Variants in NUBP1 observed in about 807,000 individuals in gnomAD.
NUBP1 encodes NUBP iron-sulfur cluster assembly factor 1, cytosolic.
Under a neutral mutation model 41.8 loss-of-function variants are expected in NUBP1, and 46 were observed. The ratio of observed to expected loss-of-function variants is 1.10; its 90% CI spans 0.87 to 1.41. NUBP1 has a LOEUF of 1.41. Ranked by LOEUF, NUBP1 falls within the 40% of genes most tolerant of loss-of-function variation. The pLI is 0.00. For missense variants in NUBP1, 494 were observed against 414.0 expected (o/e 1.19, Z -1.68); for synonymous variants, 189 against 154.6 (o/e 1.22, Z -1.65).
Position 10,759,324 on chromosome 16 carries a change from T to C in NUBP1, c.606+1297T>C, listed in dbSNP as rs1404401588. On this transcript the variant is annotated intron_variant, in intron 7 of 10. Transcript: ENST00000283027. This position sits in a 1 kb window ranked among gnomAD's most constrained non-coding sequence, Gnocchi z 4.7. ...GTCAGAAAATGGTGCAAGATTCATG[T>C]CCACCCTGGCATCCTGCAGAGAGGG... Among the ~76,000 whole-genome samples, 1 of 152,158 alleles carries C rather than the reference T, an allele frequency of 6.6e-6. No individual in the cohort carries two copies. The highest frequency in any genetic ancestry group is 6.5e-5 in the Admixed American group (1 of 15,276).
intron 9 of NUBP1, among the ~76,000 whole-genome samples, chr16:10,762,647 G>C (rs910107345): frequency 6.6e-6 from 1 of 152,250 alleles, no homozygotes; most frequent in African/African-American, 2.4e-5. Context: ...GAGAGAGAAG[G>C]CTGGAGGGGA....
At chr16:10,758,812 T>C (rs1183279176) in intron 7 of NUBP1, among the ~76,000 whole-genome samples, 3 of 152,184 alleles carry the variant, frequency 2.0e-5, no homozygotes, top group South Asian at 4.1e-4. Flanking sequence ...GTGCCTTCGC[T>C]TCTTCCGTAG....
At position 10,744,018 on chromosome 16, in the gene NUBP1, C is replaced by G. The variant is rs1159284718; in HGVS notation, c.77C>G (p.Pro26Arg). The G allele has an allele frequency of 6.3e-7, 1 of 1,580,258 alleles. No individual in the cohort carries two copies. The highest frequency in any genetic ancestry group is 1.4e-5 in the African/African-American group (1 of 72,688). ...AGRGASCQGCPNQRLCASGAG... is the reference protein window; with the variant it reads ...AGRGASCQGCRNQRLCASGAG... ...AGAGGGGCTTCATGTCAGGGATGCC[C>G]CAACCAGCGGCTGTGCGCTTCTGGA... Residue 26 changes from proline (P) to arginine (R), a missense_variant, in exon 2 of 11, where the codon CCC (proline) becomes CGC (arginine). By Grantham distance (103) the Pro-to-Arg change is moderately radical. Coordinates refer to ENST00000283027, the MANE Select transcript of NUBP1 (RefSeq NM_002484.4).
At position 10,768,694 on chromosome 16, in the gene NUBP1, GC is replaced by G. The variant is rs2031265592; in HGVS notation, c.905-349del. ...ATTCAGCCAGTGGCAGCCATCAGAG[GC>G]CCCAGAGTTAGGGCAGAGGTGTCAG... On this transcript the variant is annotated intron_variant, in intron 10 of 10. Transcript: ENST00000283027. The surrounding 1 kb of genome is among the most constrained non-coding windows in gnomAD (Gnocchi z 4.3). The G allele has an allele frequency of 8.9e-6, 2 of 223,704 alleles. No homozygotes were observed. Among genetic ancestry groups the G allele is most frequent in the Non-Finnish European group, 1.7e-5 (2 of 116,100 alleles). The allele number at this position is 223,704 out of a possible 1,614,324, so 13.9% of individuals were successfully genotyped here. A position where few individuals can be genotyped will look rare whatever the true frequency, so the allele number is the denominator to read the frequency against.
intron 3 of NUBP1, among the ~76,000 whole-genome samples, chr16:10,747,530 G>A (rs1481121347): frequency 2.0e-5 from 3 of 152,236 alleles, no homozygotes; most frequent in Admixed American, 1.3e-4. Context: ...AGCTTTTCGC[G>A]AGGATGAGCC....
chr16:10,746,899 A>C (rs774181497), intron 2 of NUBP1, among the ~76,000 whole-genome samples: 1 of 152,224 alleles, frequency 6.6e-6, no homozygotes, highest in Admixed American at 6.5e-5. Context: ...TGTGGAGACT[A>C]TGTTCTAGTT....
intron 4 of NUBP1, among the ~76,000 whole-genome samples, chr16:10,754,395 A>AC (rs1222822475): frequency 6.6e-6 from 1 of 152,010 alleles, no homozygotes; most frequent in African/African-American, 2.4e-5. Flanking sequence ...GACACACGCC[A>AC]CCACGTCCAG....
rs1338409502 is a variant in NUBP1, at chr16:10,766,405, A to T, written c.821-1544A>T. ...TGGAGAGGTGGGAGCCCAGGGGGAA[A>T]TGCAGTTAGGAAGGGAAAACACTAG... On this transcript the variant is annotated intron_variant, in intron 9 of 10. Transcript: ENST00000283027. This position sits in a 1 kb window ranked among gnomAD's most constrained non-coding sequence, Gnocchi z 4.8. Among the ~76,000 whole-genome samples the T allele has an allele frequency of 6.6e-6, 1 of 152,112 alleles. No homozygotes were observed. The highest frequency in any genetic ancestry group is 2.4e-5 in the African/African-American group (1 of 41,418).
At chr16:10,747,655 T>C (rs1900122602) in intron 3 of NUBP1, among the ~76,000 whole-genome samples, 1 of 152,126 alleles carries the variant, frequency 6.6e-6, no homozygotes, top group African/African-American at 2.4e-5. Context: ...AATGATTCCT[T>C]ATACTAAGTT....
At chr16:10,755,541 G>T (rs868778841) in intron 4 of NUBP1, among the ~76,000 whole-genome samples, 180 bp from the exon 5 acceptor site, 2 of 152,210 alleles carry the variant, frequency 1.3e-5, no homozygotes, top group East Asian at 3.8e-4. Flanking sequence ...GAGTTGAGTT[G>T]CATCTTTATT....
chr16:10,746,514 G>T (rs950600566), intron 2 of NUBP1, among the ~76,000 whole-genome samples: 1 of 152,216 alleles, frequency 6.6e-6, no homozygotes, highest in African/African-American at 2.4e-5. Context: ...GCCAAGGTGG[G>T]TGGATCACTT....
chr16:10,760,588 T>A (rs1900879089), intron 7 of NUBP1, among the ~76,000 whole-genome samples: 1 of 152,158 alleles, frequency 6.6e-6, no homozygotes, highest in Admixed American at 6.5e-5. Context: ...AATTAAAAAG[T>A]TAGCCAGGCA....
intron 3 of NUBP1, among the ~76,000 whole-genome samples, chr16:10,748,751 G>A (rs1033551336): frequency 6.6e-6 from 1 of 152,144 alleles, no homozygotes; most frequent in Non-Finnish European, 1.5e-5. Flanking sequence ...CTGCCTTAGA[G>A]ATGAGTTTGT....
intron 7 of NUBP1, 126 bp from the exon 8 acceptor site, chr16:10,761,238 T>A (rs1370353286): frequency 3.8e-6 from 3 of 790,720 alleles, no homozygotes; most frequent in Non-Finnish European, 6.1e-6. Flanking sequence ...CCAAACCCTA[T>A]CAGGGCAGAA....
intron 9 of NUBP1, 149 bp downstream of exon 9, chr16:10,762,008 C>A (rs2142759750): frequency 4.9e-6 from 3 of 606,218 alleles, no homozygotes; most frequent in East Asian, 2.8e-5. Flanking sequence ...CCAGCTGGCA[C>A]CCCAAGAGGC....
At chr16:10,744,792 G>T (rs1899988038) in intron 2 of NUBP1, among the ~76,000 whole-genome samples, 1 of 145,084 alleles carries the variant, frequency 6.9e-6, no homozygotes, top group Non-Finnish European at 1.5e-5. Flanking sequence ...GAGTCTTGCT[G>T]TGTAGCCCAG....
At position 10,767,437 on chromosome 16, in the gene NUBP1, G is replaced by T. The variant is rs1326104576; in HGVS notation, c.821-512G>T. The T allele has an allele frequency of 7.5e-6, 3 of 400,114 alleles. No homozygotes were observed. Among genetic ancestry groups the T allele is most frequent in the Non-Finnish European group, 1.3e-5 (3 of 227,486 alleles). The allele number at this position is 400,114 out of a possible 1,614,324, so 24.8% of individuals were successfully genotyped here. Reference sequence around the variant, plus strand: ...GCAGCAGGCAGAATGTGTGTGTCATGTGCTCCCATTCGTATTTTAGGTATA... The same window carrying T: ...GCAGCAGGCAGAATGTGTGTGTCATTTGCTCCCATTCGTATTTTAGGTATA... On this transcript the variant is annotated intron_variant, in intron 9 of 10. Transcript: ENST00000283027. The surrounding 1 kb of genome is among the most constrained non-coding windows in gnomAD (Gnocchi z 4.6).
chr16:10,759,762 C>T lies in NUBP1; in HGVS notation c.607-1602C>T, dbSNP rs1296452280. 6.6e-6 allele frequency among the ~76,000 whole-genome samples: 1 copy of T among 152,126 alleles called. No individual in the cohort carries two copies. The highest frequency in any genetic ancestry group is 1.5e-5 in the Non-Finnish European group (1 of 68,022). ...CTGCACTCCAGCCTGGGCGACAGAG[C>T]AAGACTCTGTCTCAAAAAAAGAAAG... On this transcript the variant is annotated intron_variant, in intron 7 of 10. Coordinates refer to ENST00000283027, the MANE Select transcript of NUBP1 (RefSeq NM_002484.4). The surrounding 1 kb of genome is among the most constrained non-coding windows in gnomAD (Gnocchi z 4.7).
At position 10,749,005 on chromosome 16, in the gene NUBP1, C is replaced by T. The variant is rs1391051831; in HGVS notation, c.258+1729C>T. Among the ~76,000 whole-genome samples the T allele has an allele frequency of 6.6e-6, 1 of 151,746 alleles. No individual in the cohort carries two copies. Among genetic ancestry groups the T allele is most frequent in the Non-Finnish European group, 1.5e-5 (1 of 67,984 alleles). On this transcript the variant is annotated intron_variant, in intron 3 of 10. Coordinates refer to ENST00000283027, the MANE Select transcript of NUBP1 (RefSeq NM_002484.4). This position sits in a 1 kb window ranked among gnomAD's most constrained non-coding sequence, Gnocchi z 4.1. Reference sequence around the variant, plus strand: ...ACTCGGGAGGCCGAGGCATGAGAATCGTTTGAACCCAGGAGGCGGAGGTCG... The same window carrying T: ...ACTCGGGAGGCCGAGGCATGAGAATTGTTTGAACCCAGGAGGCGGAGGTCG...
Sources: gnomAD v4.1 joint callset for allele counts (sites outside exome capture counted in the v4.1 genomes callset) on GRCh38, gnomAD v4.1.1 for gene constraint, Gnocchi (gnomAD v3.1) non-coding constraint, MANE v1.5 for transcripts, NCBI Gene and HGNC (gene_info 2026-07-23, HGNC 2026-07-21) for gene names.